Variants in PEX5L observed in about 807,000 individuals in gnomAD.
PEX5L encodes the protein peroxisomal biogenesis factor 5 like.
A neutral mutation model predicts 84.0 loss-of-function variants in PEX5L; 30 were observed. The observed-to-expected ratio is 0.36, with a 90% CI of 0.27 to 0.48. The LOEUF (loss-of-function observed/expected upper bound fraction) is 0.48, where lower values mean the gene tolerates loss of function less well. Among genes scored for constraint, PEX5L ranks in the 20% least tolerant of loss-of-function variants. The pLI, the probability that PEX5L is intolerant of heterozygous loss-of-function variation, is 0.99. For synonymous variants in PEX5L, 270 were observed against 283.1 expected (o/e 0.95, Z 0.46); for missense variants, 533 against 754.6 (o/e 0.71, Z 3.44).
At chr3:180,021,699 G>A (rs546222285) in intron 1 of PEX5L, among the ~76,000 whole-genome samples, 16 of 152,300 alleles carry the variant, frequency 1.1e-4, no homozygotes, top group African/African-American at 3.8e-4. Flanking sequence ...GTTGGTGGTG[G>A]TGACAGTGAG....
intron 2 of PEX5L, among the ~76,000 whole-genome samples, chr3:179,965,034 T>C (rs1439672746): frequency 6.6e-6 from 1 of 152,238 alleles, no homozygotes; most frequent in Non-Finnish European, 1.5e-5. Context: ...AAGACCTTGC[T>C]CTTAACCACT....
chr3:179,974,131 C>A, intron 1 of PEX5L: 1 of 985,556 alleles, frequency 1.0e-6, no homozygotes, highest in Non-Finnish European at 1.2e-6. Context: ...AGCCGGGAAT[C>A]CCTGTCTTCT....
chr3:179,959,386 C>T (rs554079699), intron 2 of PEX5L, among the ~76,000 whole-genome samples: 1 of 152,242 alleles, frequency 6.6e-6, no homozygotes, highest in African/African-American at 2.4e-5. Context: ...TACTGCAGCA[C>T]GGGCACTGTA....
chr3:179,949,822 G>A (rs559172030), intron 2 of PEX5L, among the ~76,000 whole-genome samples: 1 of 152,212 alleles, frequency 6.6e-6, no homozygotes, highest in Non-Finnish European at 1.5e-5. Flanking sequence ...CTATAAGCAG[G>A]AGAGTGCTAG....
At chr3:179,944,614 T>C (rs1203461444) in intron 2 of PEX5L, among the ~76,000 whole-genome samples, 3 of 152,230 alleles carry the variant, frequency 2.0e-5, no homozygotes, top group Non-Finnish European at 1.5e-5. Context: ...AAAAACAGAA[T>C]TATGTTCTTT....
chr3:179,875,376 T>C lies in PEX5L; in HGVS notation c.607A>G (p.Thr203Ala), dbSNP rs1160417391. 1.2e-6 allele frequency: 2 copies of C among 1,613,818 alleles called. No individual in the cohort carries two copies. Among genetic ancestry groups the C allele is most frequent in the African/African-American group, 2.7e-5 (2 of 74,922 alleles). Residue 203 changes from threonine to alanine, a missense_variant, in exon 6 of 15, where the codon ACT becomes GCT. By Grantham distance (58) the Thr-to-Ala change is moderately conservative. Transcript: ENST00000467460. ...TACCATAAGAGCTCTTTTGATCCAGTTCTAGATGAGGATGATTTTCTCTCT... is the reference window on the plus strand; with the variant it reads ...TACCATAAGAGCTCTTTTGATCCAGCTCTAGATGAGGATGATTTTCTCTCT... The part of the protein sequence containing the change: ...MAERKSSSSR[T>A]GSKELLWSSE...
intron 2 of PEX5L, among the ~76,000 whole-genome samples, chr3:179,922,974 C>T (rs1261152336): frequency 6.6e-6 from 1 of 151,880 alleles, no homozygotes; most frequent in Non-Finnish European, 1.5e-5. Flanking sequence ...GCTTTAAATT[C>T]TCTGTGAGTC....
chr3:179,907,721 T>C (rs756523165), intron 2 of PEX5L, among the ~76,000 whole-genome samples: 3 of 152,210 alleles, frequency 2.0e-5, no homozygotes, highest in Non-Finnish European at 4.4e-5. Flanking sequence ...AATTATACTA[T>C]ATCATTTTTA....
intron 2 of PEX5L, among the ~76,000 whole-genome samples, chr3:179,926,695 G>A (rs956372263): frequency 1.3e-5 from 2 of 152,198 alleles, no homozygotes; most frequent in Non-Finnish European, 2.9e-5. Flanking sequence ...GGCTGTTCAG[G>A]AAACCCTGGG....
intron 6 of PEX5L, 87 bp from the exon 7 acceptor site, chr3:179,874,510 A>G (rs1751477549): frequency 1.4e-6 from 1 of 690,934 alleles, no homozygotes; most frequent in South Asian, 1.7e-5. Flanking sequence ...AATTTGGATC[A>G]TTGAAAGCCA....
At chr3:179,914,728 G>C (rs541873620) in intron 2 of PEX5L, among the ~76,000 whole-genome samples, 1 of 152,226 alleles carries the variant, frequency 6.6e-6, no homozygotes, top group South Asian at 2.1e-4. Context: ...AAGGGATGGT[G>C]ATGGCTCCTG....
chr3:179,966,155 G>C (rs1469239742), intron 2 of PEX5L, among the ~76,000 whole-genome samples: 1 of 152,126 alleles, frequency 6.6e-6, no homozygotes, highest in East Asian at 1.9e-4. Flanking sequence ...TATGTCTGCT[G>C]TGAGTGTAAT....
At chr3:179,883,505 T>C (rs1754801326) in intron 4 of PEX5L, among the ~76,000 whole-genome samples, 1 of 152,238 alleles carries the variant, frequency 6.6e-6, no homozygotes, top group Non-Finnish European at 1.5e-5. Flanking sequence ...TGAGTTTGAC[T>C]GAGTGCAGTG....
intron 2 of PEX5L, among the ~76,000 whole-genome samples, chr3:179,970,485 A>T (rs764762193): frequency 1.3e-5 from 2 of 152,152 alleles, no homozygotes; most frequent in African/African-American, 4.8e-5. Context: ...GAGCAATGAT[A>T]AGAAAAACTC....
At chr3:179,817,834 T>C (rs545752043) in intron 9 of PEX5L, among the ~76,000 whole-genome samples, 78 of 152,126 alleles carry the variant, frequency 5.1e-4, no homozygotes, top group African/African-American at 1.9e-3. Flanking sequence ...GTGGGGTTAG[T>C]GTGGGTATGG....
intron 1 of PEX5L, among the ~76,000 whole-genome samples, chr3:179,996,824 G>C (rs1011046532): frequency 6.6e-6 from 1 of 152,206 alleles, no homozygotes; most frequent in Non-Finnish European, 1.5e-5. Context: ...TACTGTAATG[G>C]ACAGCAGAGG....
At chr3:179,900,379 G>A (rs1213977089) in intron 2 of PEX5L, among the ~76,000 whole-genome samples, 1 of 151,806 alleles carries the variant, frequency 6.6e-6, no homozygotes, top group Non-Finnish European at 1.5e-5. Context: ...CTTTTCTTGG[G>A]CTAAGAAAAA....
At chr3:180,031,791 A>T (rs1791491398) in intron 1 of PEX5L, among the ~76,000 whole-genome samples, 1 of 152,252 alleles carries the variant, frequency 6.6e-6, no homozygotes, top group Non-Finnish European at 1.5e-5. Flanking sequence ...TCACATCTTA[A>T]TGTTTCCAGG....
chr3:180,027,014 C>T (rs1453704431), intron 1 of PEX5L, among the ~76,000 whole-genome samples: 1 of 152,200 alleles, frequency 6.6e-6, no homozygotes, highest in Non-Finnish European at 1.5e-5. Flanking sequence ...ATCTGCCCTC[C>T]ATTTTGAAAT....
Sources: allele counts gnomAD v4.1 joint callset (sites outside exome capture counted in the v4.1 genomes callset), GRCh38; gene constraint gnomAD v4.1.1; transcripts MANE v1.5; gene names NCBI Gene and HGNC (gene_info 2026-07-23, HGNC 2026-07-21).